The following PTPRS variants were observed in gnomAD, a reference collection of about 807,000 sequenced individuals.
PTPRS encodes receptor-type tyrosine-protein phosphatase S.
Under a neutral mutation model 215.3 loss-of-function variants are expected in PTPRS, and 63 were observed. The observed-to-expected ratio is 0.29, with a 90% CI of 0.24 to 0.36. The LOEUF is 0.36. Ranked by LOEUF, PTPRS falls within the 10% of genes least tolerant of loss-of-function variation. PTPRS has a pLI of 1.00. For missense variants in PTPRS, 2,258 were observed against 2,825.8 expected (o/e 0.80, Z 4.56); for synonymous variants, 1,404 against 1,191.4 (o/e 1.18, Z -3.68).
intron 1 of PTPRS, among the ~76,000 whole-genome samples, chr19:5,303,883 G>A (rs1011293873): frequency 4.1e-5 from 6 of 145,020 alleles, no homozygotes; most frequent in South Asian, 2.2e-4. Context: ...CCCGGGATAC[G>A]GAGGTTACTG....
intron 4 of PTPRS, 73 bp from the exon 5 acceptor site, chr19:5,265,269 G>GGAGT: frequency 7.0e-7 from 1 of 1,428,216 alleles, no homozygotes; most frequent in Non-Finnish European, 9.5e-7. Context: ...CTGGGGCTCA[G>GGAGT]GGACTGCCTG....
In PTPRS at chr19:5,228,345, G is replaced by GAAAAAAAAAAAAAAAA. The variant is rs1491502602; in HGVS notation, c.2376+970_2376+971insTTTTTTTTTTTTTTTT. 4.8e-4 allele frequency among the ~76,000 whole-genome samples: 16 copies of GAAAAAAAAAAAAAAAA among 33,218 alleles called. 1 individual carries two copies. Among genetic ancestry groups the GAAAAAAAAAAAAAAAA allele is most frequent in the African/African-American group, 1.0e-3 (11 of 10,496 alleles). The allele number at this position is 33,218 out of a possible 152,430, so 21.8% of individuals were successfully genotyped here. On this transcript the variant is annotated intron_variant, in intron 16 of 37. Transcript: ENST00000262963. ...GGGCGATAGTGTGAGACTCCGTCTG[G>GAAAAAAAAAAAAAAAA]AGAAAAAAAAAAAAAAAAGAGACAG...
rs372632192 is a variant in PTPRS at position 5,244,205 on chromosome 19, G to A, written c.1266C>T (p.Gly422=). The A allele has an allele frequency of 1.5e-5, 24 of 1,606,098 alleles. No individual in the cohort carries two copies. The highest frequency in any genetic ancestry group is 1.2e-4 in the Admixed American group (7 of 59,610). Reference sequence around the variant, plus strand: ...GCGGCGCGCTGGCCGGGGCCTGCTCGCCTGTGCGGGTGACCACGGACTCGC... The same window carrying A: ...GCGGCGCGCTGGCCGGGGCCTGCTCACCTGTGCGGGTGACCACGGACTCGC... ...PPSESVVTRT[G]EQAPASAPRN... The change falls in exon 11 of 38, where the codon GGC becomes GGT. Residue 422 remains glycine, a synonymous_variant. Coordinates refer to ENST00000262963, the MANE Select transcript of PTPRS (RefSeq NM_002850.4). The surrounding 1 kb of genome is among the most constrained non-coding windows in gnomAD (Gnocchi z 7.2).
In PTPRS at chr19:5,286,153, C is replaced by T; in HGVS notation, c.-13G>A. ...AGGTGGGCGCCATGCTTGGCAGCGA[C>T]CTCCGATCTCCGCCCTGGAGGGGGA... is the stretch of plus-strand genomic sequence containing the variant. On this transcript the variant is annotated 5_prime_UTR_variant, in exon 2 of 38. Coordinates refer to ENST00000262963, the MANE Select transcript of PTPRS (RefSeq NM_002850.4). 6.2e-7 allele frequency: 1 copy of T among 1,612,904 alleles called. No individual in the cohort carries two copies. The highest frequency in any genetic ancestry group is 8.5e-7 in the Non-Finnish European group (1 of 1,179,534).
intron 37 of PTPRS, 134 bp downstream of exon 37, chr19:5,207,788 G>A (rs2040499704): frequency 6.1e-6 from 8 of 1,315,204 alleles, no homozygotes; most frequent in Non-Finnish European, 8.4e-6. Context: ...TGCGGGAGGG[G>A]TCTGTGGACC....
chr19:5,281,555 T>C (rs538098883), intron 2 of PTPRS, among the ~76,000 whole-genome samples: 2 of 152,318 alleles, frequency 1.3e-5, no homozygotes, highest in African/African-American at 4.8e-5. Context: ...GACATCTTAC[T>C]GTCCCTTCCA....
intron 1 of PTPRS, among the ~76,000 whole-genome samples, chr19:5,340,379 C>T (rs2050653719): frequency 6.6e-6 from 1 of 151,292 alleles, no homozygotes; most frequent in Non-Finnish European, 1.5e-5. Context: ...TCCAGCCCAG[C>T]CCCCTCCCAC....
chr19:5,214,712 T>C lies in PTPRS; in HGVS notation c.4343A>G (p.Asn1448Ser). 6.2e-7 allele frequency: 1 copy of C among 1,610,662 alleles called. No homozygotes were observed. The highest frequency in any genetic ancestry group is 8.5e-7 in the Non-Finnish European group (1 of 1,178,064). Residue 1448 changes from asparagine (N) to serine (S), a missense_variant, in exon 29 of 38, where the codon AAT (asparagine) becomes AGT (serine). By Grantham distance (46) the Asn-to-Ser change is conservative (BLOSUM62 1). Around this residue, in one of 6 missense-constraint regions of PTPRS, gnomAD observed 927 missense variants for 1,125.9 expected, o/e 0.82. Transcript: ENST00000262963. The stretch of plus-strand genomic sequence containing the variant: ...CCGGTAGCCGTCCACGTAGTTGGCA[T>C]TGATGTAATCACTGCCCATGATGCC... ...IEGIMGSDYINANYVDGYRCQ... is the reference protein window; with the variant it reads ...IEGIMGSDYISANYVDGYRCQ...
intron 9 of PTPRS, chr19:5,251,087 T>C (rs2146106892): frequency 6.5e-6 from 1 of 154,010 alleles, no homozygotes; most frequent in Admixed American, 6.5e-5. Context: ...GGGGGGTTTA[T>C]TTAAGCTTAG....
chr19:5,210,317 T>C lies in PTPRS; in HGVS notation c.5487+152A>G. 1 of 1,104,710 alleles carries C rather than the reference T, an allele frequency of 9.1e-7. No individual in the cohort carries two copies. The allele number at this position is 1,104,710 out of a possible 1,614,324, so 68.4% of individuals were successfully genotyped here. A position where few individuals can be genotyped will look rare whatever the true frequency, so the allele number is the denominator to read the frequency against. On this transcript the variant is annotated intron_variant, in intron 35 of 37. Transcript: ENST00000262963. The surrounding 1 kb of genome is among the most constrained non-coding windows in gnomAD (Gnocchi z 4.5). ...ACCCTCTCTTCCACCTATGTGGCAG[T>C]AGAAGCAAGTGGCCAACTGGTCAGC...
intron 4 of PTPRS, among the ~76,000 whole-genome samples, chr19:5,271,119 C>A (rs1356293881): frequency 3.3e-5 from 5 of 152,206 alleles, no homozygotes; most frequent in Non-Finnish European, 7.3e-5. Context: ...TCTTGGGAAG[C>A]CACATGCAGG....
chr19:5,263,793 G>A (rs2046202816), intron 5 of PTPRS, among the ~76,000 whole-genome samples: 1 of 152,232 alleles, frequency 6.6e-6, no homozygotes, highest in Admixed American at 6.5e-5. Context: ...GGGAGTGACT[G>A]CAATGTGGGT....
chr19:5,240,664 C>G, intron 11 of PTPRS, among the ~76,000 whole-genome samples: 1 of 151,554 alleles, frequency 6.6e-6, no homozygotes, highest in Non-Finnish European at 1.5e-5. Context: ...ATGGTGAAAC[C>G]TCGTCTCTAC....
Position 5,208,224 on chromosome 19 carries a change from C to T in PTPRS, c.5642+13G>A, listed in dbSNP as rs544133482. 1.5e-5 allele frequency: 23 copies of T among 1,579,720 alleles called. No individual in the cohort carries two copies. The South Asian group carries it at 1.7e-4, about 12-fold the overall frequency. On this transcript the variant is annotated intron_variant, in intron 36 of 37. Transcript: ENST00000262963. ...CAGCAGGGCCAAAAGCTGGGACACT[C>T]GAGGGAGCTCACCTGCAGTGGACAG...
chr19:5,240,141 G>A (rs769291878), intron 12 of PTPRS, 58 bp downstream of exon 12: 206 of 1,440,228 alleles, frequency 1.4e-4, no homozygotes, highest in Non-Finnish European at 1.6e-4. Flanking sequence ...GGCGGGCAGC[G>A]TCAGAGAGCG....
Position 5,295,580 on chromosome 19 carries a change from G to A in PTPRS, c.-94-9346C>T, listed in dbSNP as rs527518136. Among the ~76,000 whole-genome samples, 11 of 152,252 alleles carry A rather than the reference G, an allele frequency of 7.2e-5. No individual in the cohort carries two copies. The East Asian group carries it at 1.9e-3, about 27-fold the overall frequency. ...CAGGAGGCAGAGCAGGATTTGTCTC[G>A]GTCACCCAGTGTCCCCAGCACCTAG... is the stretch of plus-strand genomic sequence containing the variant. On this transcript the variant is annotated intron_variant, in intron 1 of 37. Coordinates refer to ENST00000262963, the MANE Select transcript of PTPRS (RefSeq NM_002850.4). This position sits in a 1 kb window ranked among gnomAD's most constrained non-coding sequence, Gnocchi z 4.6.
intron 1 of PTPRS, among the ~76,000 whole-genome samples, chr19:5,337,971 C>A (rs1423543046): frequency 6.6e-6 from 1 of 152,152 alleles, no homozygotes; most frequent in Non-Finnish European, 1.5e-5. Flanking sequence ...TCTGTCGCCA[C>A]CTCACGCAGA....
chr19:5,222,364 T>TGGCCCTGGCCCGGCCC lies in PTPRS; in HGVS notation c.3104-160_3104-145dup, dbSNP rs1568402239. On this transcript the variant is annotated intron_variant, in intron 18 of 37. Coordinates refer to ENST00000262963, the MANE Select transcript of PTPRS (RefSeq NM_002850.4). ...TGCCCATGCCCACGGCCTTCCTGCC[T>TGGCCCTGGCCCGGCCC]GGCCCTGGCCCGGCCCTGCCCTGTC... 4.1e-6 allele frequency: 3 copies of TGGCCCTGGCCCGGCCC among 730,924 alleles called. No homozygotes were observed. The East Asian group carries it at 8.0e-5, about 20-fold the overall frequency. 45.3% of individuals were successfully genotyped at this position (730,924 alleles called of 1,614,324 possible). A position where few individuals can be genotyped will look rare whatever the true frequency, so the allele number is the denominator to read the frequency against.
rs1263284420 is a variant in PTPRS, at chr19:5,218,779, G to A, written c.3935+8C>T. ...CTGAAGCCTCCACGGGGGAGGGCTG[G>A]TTCTTACCTGTCGGGTTTGCTGTTC... On this transcript the variant is annotated splice_region_variant and intron_variant, in intron 24 of 37. Transcript: ENST00000262963. The A allele has an allele frequency of 6.2e-7, 1 of 1,610,530 alleles. No individual in the cohort carries two copies. Among genetic ancestry groups the A allele is most frequent in the Non-Finnish European group, 8.5e-7 (1 of 1,178,710 alleles).
Sources: gnomAD v4.1 joint callset for allele counts (sites outside exome capture counted in the v4.1 genomes callset) on GRCh38, gnomAD v4.1.1 for gene constraint, gnomAD v4.1.1 regional missense constraint, Gnocchi (gnomAD v3.1) non-coding constraint, MANE v1.5 for transcripts, NCBI Gene and HGNC (gene_info 2026-07-23, HGNC 2026-07-21) for gene names.